ZNF335: variants seen among roughly 807,000 people sequenced by gnomAD.
The protein encoded by ZNF335 is zinc finger protein 335, also known as NRC-interacting factor 1.
A neutral mutation model predicts 145.6 loss-of-function variants in ZNF335; 84 were observed. The ratio of observed to expected loss-of-function variants is 0.58; its 90% CI spans 0.48 to 0.69. ZNF335 has a LOEUF of 0.69. Among genes scored for constraint, ZNF335 ranks in the 30% least tolerant of loss-of-function variants. The probability of loss-of-function intolerance (pLI) is 0.00; values close to 1 mark genes in which losing one functional copy is unlikely to be tolerated. For synonymous variants in ZNF335, 761 were observed against 717.0 expected, an observed-to-expected ratio of 1.06 and a Z score of -0.98; for missense variants, 1,865 against 1,809.7, an observed-to-expected ratio of 1.03 and a Z score of -0.55.
Position 45,967,899 on chromosome 20 carries a change from C to G in ZNF335, c.649G>C (p.Val217Leu). 1 of 1,612,628 alleles carries G rather than the reference C, an allele frequency of 6.2e-7. No individual in the cohort carries two copies. Reference protein sequence around the residue: ...LEAQGGPSSPVQLPPASGAEE... With the variant: ...LEAQGGPSSPLQLPPASGAEE... ...GCACCGGAGGCTGGGGGCAGCTGCA[C>G]CGGGGAGCTGGGCCCACCCTGTGCC... Residue 217 changes from valine to leucine, a missense_variant, in exon 5 of 28, where the codon GTG becomes CTG. Coordinates refer to ENST00000322927, the MANE Select transcript of ZNF335 (RefSeq NM_022095.4).
Position 45,949,566 on chromosome 20 carries a change from C to T in ZNF335, c.3672G>A (p.Val1224=), listed in dbSNP as rs993156025. The change falls in exon 25 of 28, where the codon GTG becomes GTA. Residue 1224 remains valine (V), a splice_region_variant and synonymous_variant. Coordinates refer to ENST00000322927, the MANE Select transcript of ZNF335 (RefSeq NM_022095.4). The stretch of plus-strand genomic sequence containing the variant: ...CACCATCCTGGGAGATGATATACTG[C>T]ACCTGTTGGTGGGGGGGGCGGGCAT... The part of the protein sequence containing the change: ...VQHLVTSDNQ[V]QYIISQDGVQ... 2.5e-6 allele frequency: 4 copies of T among 1,610,312 alleles called. No individual in the cohort carries two copies. The highest frequency in any genetic ancestry group is 2.7e-5 in the African/African-American group (2 of 74,784).
At chr20:45,961,715 C>G in intron 10 of ZNF335, 1 of 205,498 alleles carries the variant, frequency 4.9e-6, no homozygotes, top group Non-Finnish European at 9.9e-6. Context: ...CAGGTGCACT[C>G]TCAGCCCTGT....
intron 12 of ZNF335, 42 bp downstream of exon 12, chr20:45,960,574 G>C (rs1490427689): frequency 1.2e-6 from 2 of 1,613,804 alleles, no homozygotes; most frequent in Non-Finnish European, 1.7e-6. Flanking sequence ...CCATCACCCA[G>C]GGGAGGCCCT....
rs775817481 is a variant in ZNF335, at chr20:45,967,865, G to A, written c.683C>T (p.Pro228Leu). The change falls in exon 5 of 28, where the codon CCG (proline) becomes CTG (leucine). Residue 228 changes from proline (P) to leucine (L), a missense_variant. Pro to Leu is a moderately conservative substitution (Grantham distance 98). Coordinates refer to ENST00000322927, the MANE Select transcript of ZNF335 (RefSeq NM_022095.4). Reference protein sequence around the residue: ...QLPPASGAEEPDLQSLEAMME... With the variant: ...QLPPASGAEELDLQSLEAMME... The stretch of plus-strand genomic sequence containing the variant: ...CATGGCCTCCAGGCTCTGCAGGTCC[G>A]GCTCTTCGGCACCGGAGGCTGGGGG... The A allele has an allele frequency of 8.1e-6, 13 of 1,613,310 alleles. No homozygotes were observed. Among genetic ancestry groups the A allele is most frequent in the South Asian group, 1.1e-5 (1 of 91,080 alleles).
intron 21 of ZNF335, 25 bp from the exon 22 acceptor site, chr20:45,950,398 G>A: frequency 6.2e-7 from 1 of 1,610,734 alleles, no homozygotes; most frequent in Non-Finnish European, 8.5e-7. Context: ...AGGTGGCTCA[G>A]GTTAGCTCCA....
chr20:45,953,671 G>T lies in ZNF335; in HGVS notation c.2702+18C>A, dbSNP rs571413926. 4 of 1,610,044 alleles carry T rather than the reference G, an allele frequency of 2.5e-6. No individual in the cohort carries two copies. The South Asian group carries it at 4.4e-5, about 18-fold the overall frequency. On this transcript the variant is annotated intron_variant, in intron 18 of 27. Transcript: ENST00000322927. ...CCTACAAAAAGCTGAAAGGGGCCTT[G>T]CAGGCAGCAGGTCTCACCTGTAAGG...
chr20:45,967,676 C>T, intron 5 of ZNF335, 42 bp from the exon 6 acceptor site: 2 of 1,610,610 alleles, frequency 1.2e-6, no homozygotes, highest in South Asian at 2.2e-5. Context: ...CCATGTCTGG[C>T]TCCCAGCACC....
chr20:45,959,962 T>C (rs993519376), intron 14 of ZNF335, among the ~76,000 whole-genome samples: 1 of 152,172 alleles, frequency 6.6e-6, no homozygotes, highest in Non-Finnish European at 1.5e-5. Context: ...ATTTCATAAA[T>C]ATGGAAGGCT....
Position 45,952,256 on chromosome 20 carries a change from G to A in ZNF335, c.3080C>T (p.Ala1027Val). ...KKFSCKICAE[A>V]FPGRAEMESH... ...CTCCATCTCAGCTCGGCCAGGGAAGGCCTCGGCACAGATCTTGCAGGAAAA... is the reference window on the plus strand; with the variant it reads ...CTCCATCTCAGCTCGGCCAGGGAAGACCTCGGCACAGATCTTGCAGGAAAA... The change falls in exon 20 of 28, where the codon GCC (alanine) becomes GTC (valine). Residue 1027 changes from alanine (A) to valine (V), a missense_variant. By Grantham distance (64) the Ala-to-Val change is moderately conservative (BLOSUM62 0). Transcript: ENST00000322927. 17 of 1,613,402 alleles carry A rather than the reference G, an allele frequency of 1.1e-5. No individual in the cohort carries two copies. Among genetic ancestry groups the A allele is most frequent in the Non-Finnish European group, 1.3e-5 (15 of 1,180,032 alleles).
At chr20:45,953,094 G>A (rs73293599) in intron 18 of ZNF335, among the ~76,000 whole-genome samples, 2,513 of 152,322 alleles carry the variant, frequency 0.016, 77 homozygotes, top group African/African-American at 0.057. Context: ...GAGACTGGCC[G>A]CCCAGGTGCT....
At position 45,962,104 on chromosome 20, in the gene ZNF335, C is replaced by T. The variant is rs755408459; in HGVS notation, c.1612G>A (p.Val538Ile). 22 of 1,604,096 alleles carry T rather than the reference C, an allele frequency of 1.4e-5. No homozygotes were observed. Among genetic ancestry groups the T allele is most frequent in the African/African-American group, 2.7e-5 (2 of 74,538 alleles). The change falls in exon 10 of 28, where the codon GTC becomes ATC. Residue 538 changes from valine (V) to isoleucine (I), a missense_variant. Val to Ile is a conservative substitution (Grantham distance 29). Coordinates refer to ENST00000322927, the MANE Select transcript of ZNF335 (RefSeq NM_022095.4). ...CSYTSVYRKD[V>I]IRHAAVHSRD... ...CTGTGCACAGCGGCGTGCCGAATGA[C>T]GTCCTTCCGGTAGACACTGGTGTAG... is the stretch of plus-strand genomic sequence containing the variant.
chr20:45,954,899 C>G (rs924533226), intron 17 of ZNF335, among the ~76,000 whole-genome samples: 2 of 150,996 alleles, frequency 1.3e-5, no homozygotes, highest in Non-Finnish European at 1.5e-5. Flanking sequence ...TCTCAAGTAG[C>G]TGGTACTACA....
Position 45,959,490 on chromosome 20 carries a change from A to G in ZNF335, c.2021-57T>C, listed in dbSNP as rs552550738. ...TGCCCGTCCCTAGCCTACCCCCTCC[A>G]GGAATCCTTTCTTGACCCTAAGGAT... On this transcript the variant is annotated intron_variant, in intron 14 of 27. Transcript: ENST00000322927. 2.4e-5 allele frequency: 31 copies of G among 1,294,014 alleles called. No individual in the cohort carries two copies. The African/African-American group carries it at 3.2e-4, about 13-fold the overall frequency. 80.2% of individuals were successfully genotyped at this position (1,294,014 alleles called of 1,614,324 possible).
chr20:45,955,884 TA>T (rs2083720072), intron 17 of ZNF335, among the ~76,000 whole-genome samples: 1 of 151,886 alleles, frequency 6.6e-6, no homozygotes, highest in Non-Finnish European at 1.5e-5. Flanking sequence ...TGAATTAATA[TA>T]AAACGAAAGA....
intron 1 of ZNF335, 137 bp downstream of exon 1, chr20:45,971,985 G>C (rs1371794264): frequency 6.0e-6 from 7 of 1,168,046 alleles, no homozygotes; most frequent in African/African-American, 1.6e-5. Flanking sequence ...GTGCGAGAGC[G>C]ACTAAAGGGC....
intron 14 of ZNF335, 102 bp downstream of exon 14, chr20:45,960,105 TG>T: frequency 1.5e-6 from 2 of 1,356,768 alleles, no homozygotes; most frequent in Non-Finnish European, 2.0e-6. Context: ...GTTCTGTGGC[TG>T]GGGCTACCGA....
At chr20:45,955,953 TAC>T (rs2083721501) in intron 17 of ZNF335, among the ~76,000 whole-genome samples, 2 of 152,158 alleles carry the variant, frequency 1.3e-5, no homozygotes, top group Admixed American at 1.3e-4. Flanking sequence ...GATCAAATGA[TAC>T]AGAGATGCAA....
chr20:45,957,986 T>C, intron 15 of ZNF335, 58 bp from the exon 16 acceptor site: 1 of 1,400,458 alleles, frequency 7.1e-7, no homozygotes. Flanking sequence ...CAAGTGCCAT[T>C]TGCCAAGCAC....
intron 9 of ZNF335, 89 bp from the exon 10 acceptor site, chr20:45,962,271 T>C (rs1305480930): frequency 9.7e-7 from 1 of 1,032,110 alleles, no homozygotes; most frequent in African/African-American, 1.6e-5. Context: ...AGTCTTAGGG[T>C]TGCTGCGGGA....
Sources: allele counts gnomAD v4.1 joint callset (sites outside exome capture counted in the v4.1 genomes callset), GRCh38; gene constraint gnomAD v4.1.1; transcripts MANE v1.5; gene names NCBI Gene and HGNC (gene_info 2026-07-23, HGNC 2026-07-21).